The following SAXO1 variants were observed in gnomAD, a reference collection of about 807,000 sequenced individuals.
The protein encoded by SAXO1 is stabilizer of axonemal microtubules 1, also known as 4930500O09Rik.
SAXO1 carries 21 observed loss-of-function variants against 17.5 expected under a neutral mutation model. That is an observed-to-expected ratio of 1.20 (90% CI 0.85 to 1.72). The LOEUF (loss-of-function observed/expected upper bound fraction) is 1.72, where lower values mean the gene tolerates loss of function less well. Among genes scored for constraint, SAXO1 ranks in the 40% most tolerant of loss-of-function variants. The pLI, the probability that SAXO1 is intolerant of heterozygous loss-of-function variation, is 0.00. For synonymous variants in SAXO1, 274 were observed against 216.5 expected (o/e 1.27, Z -2.33); for missense variants, 843 against 596.0 (o/e 1.41, Z -4.32).
At chr9:18,973,993 C>A (rs983037538) in intron 1 of SAXO1, among the ~76,000 whole-genome samples, 4 of 152,166 alleles carry the variant, frequency 2.6e-5, no homozygotes, top group African/African-American at 9.7e-5. Context: ...TATCATGTCC[C>A]ATCTTCCCTT....
chr9:18,935,256 T>C lies in SAXO1; in HGVS notation c.422-6201A>G, dbSNP rs1012283088. 4.6e-5 allele frequency among the ~76,000 whole-genome samples: 7 copies of C among 152,318 alleles called. No homozygotes were observed. The South Asian group carries it at 1.5e-3, about 32-fold the overall frequency. On this transcript the variant is annotated intron_variant, in intron 3 of 3. Transcript: ENST00000380534. The stretch of plus-strand genomic sequence containing the variant: ...TCAGCATAGTTTAGTGGTCAGCCAA[T>C]GATTGGTCAGAAGTTAAACTTAAGA...
At chr9:18,950,685 T>C in intron 2 of SAXO1, 73 bp downstream of exon 2, 1 of 1,331,224 alleles carries the variant, frequency 7.5e-7, no homozygotes, top group Non-Finnish European at 1.0e-6. Flanking sequence ...TACATTAATA[T>C]TATACATTAG....
chr9:18,992,784 T>A (rs1833862096), intron 1 of SAXO1, among the ~76,000 whole-genome samples: 1 of 152,070 alleles, frequency 6.6e-6, no homozygotes, highest in Admixed American at 6.6e-5. Flanking sequence ...ATTTTTTTTT[T>A]TTAGACAAAG....
intron 2 of SAXO1, among the ~76,000 whole-genome samples, chr9:18,943,890 T>C (rs1831683935): frequency 6.6e-6 from 1 of 152,216 alleles, no homozygotes; most frequent in Non-Finnish European, 1.5e-5. Flanking sequence ...ACAGAGTCCA[T>C]AGCAGCCTCT....
At chr9:19,024,533 T>C (rs888530734) in intron 1 of SAXO1, among the ~76,000 whole-genome samples, 3 of 152,046 alleles carry the variant, frequency 2.0e-5, no homozygotes, top group Non-Finnish European at 4.4e-5. Context: ...ACATGGCACA[T>C]GTATAGATAT....
chr9:19,044,838 G>A (rs981234677), intron 1 of SAXO1, among the ~76,000 whole-genome samples: 1 of 151,866 alleles, frequency 6.6e-6, no homozygotes, highest in Non-Finnish European at 1.5e-5. Context: ...ACTCCAGCCC[G>A]GGTGAGAGTG....
chr9:19,026,310 T>A (rs1835469499), intron 1 of SAXO1, among the ~76,000 whole-genome samples: 2 of 152,204 alleles, frequency 1.3e-5, no homozygotes, highest in South Asian at 4.1e-4. Flanking sequence ...CCTAGCAGTG[T>A]CTGATACCCA....
At position 19,047,241 on chromosome 9, in the gene SAXO1, G is replaced by A. The variant is rs370825905; in HGVS notation, c.-158+1968C>T. On this transcript the variant is annotated intron_variant, in intron 1 of 3. Transcript: ENST00000542071. ...TAGCCAGGCATGGTGGTGGAGGCCT[G>A]TAGTCCCAGCTACTTGGGAGGCTGA... is the stretch of plus-strand genomic sequence containing the variant. Among the ~76,000 whole-genome samples, 3 of 151,872 alleles carry A rather than the reference G, an allele frequency of 2.0e-5. No individual in the cohort carries two copies. In the South Asian group the frequency reaches 6.2e-4, roughly 32 times the overall value.
chr9:19,021,051 C>T (rs1189364600), intron 1 of SAXO1, among the ~76,000 whole-genome samples: 1 of 152,192 alleles, frequency 6.6e-6, no homozygotes, highest in African/African-American at 2.4e-5. Flanking sequence ...ATCTTTATTA[C>T]CTAAAACTGC....
intron 1 of SAXO1, among the ~76,000 whole-genome samples, chr9:19,010,616 T>C (rs549243005): frequency 3.3e-5 from 5 of 152,196 alleles, no homozygotes; most frequent in African/African-American, 1.2e-4. Flanking sequence ...TTCTGTACTC[T>C]TTACTTGTTT....
chr9:18,948,077 C>T (rs543230525), intron 2 of SAXO1, among the ~76,000 whole-genome samples: 10 of 152,282 alleles, frequency 6.6e-5, no homozygotes, highest in East Asian at 5.8e-4. Flanking sequence ...AGAGGGGTGA[C>T]GACAATCTGC....
intron 1 of SAXO1, among the ~76,000 whole-genome samples, chr9:18,977,355 A>G (rs79490633): frequency 6.8e-6 from 1 of 146,628 alleles, no homozygotes; most frequent in East Asian, 2.1e-4. Flanking sequence ...CATTTACCAC[A>G]TGCTGGGCAT....
intron 1 of SAXO1, among the ~76,000 whole-genome samples, chr9:19,014,866 G>A (rs184568801): frequency 1.8e-4 from 28 of 152,148 alleles, no homozygotes; most frequent in Non-Finnish European, 3.8e-4. Context: ...TTCCTGCCGG[G>A]GTTAGGAAGT....
At position 18,935,969 on chromosome 9, in the gene SAXO1, C is replaced by T. The variant is rs550737582; in HGVS notation, c.421+5668G>A. On this transcript the variant is annotated intron_variant, in intron 3 of 3. Transcript: ENST00000380534. ...GAAGCAGCCCCAGAATAAAACATCA[C>T]AGACTCCTAGTGTTAATAACCAAGG... Among the ~76,000 whole-genome samples, 6 of 152,172 alleles carry T rather than the reference C, an allele frequency of 3.9e-5. No individual in the cohort carries two copies. The South Asian group carries it at 6.2e-4, about 16-fold the overall frequency.
chr9:18,975,207 AGGCTGGGG>A (rs1833093516), intron 1 of SAXO1, among the ~76,000 whole-genome samples: 1 of 6,862 alleles, frequency 1.5e-4, no homozygotes, highest in African/African-American at 5.2e-4. Flanking sequence ...AGGAGGCTGC[AGGCTGGGG>A]AAGCAGGGAG....
chr9:18,930,169 T>C (rs780513528), intron 3 of SAXO1, among the ~76,000 whole-genome samples: 3 of 152,042 alleles, frequency 2.0e-5, no homozygotes, highest in Non-Finnish European at 2.9e-5. Context: ...AAGAAAAAAA[T>C]AATCAGAGGG....
rs959459192 is a variant in SAXO1 at position 19,001,634 on chromosome 9, C to G, written c.38+31237G>C. 2.3e-4 allele frequency among the ~76,000 whole-genome samples: 34 copies of G among 149,306 alleles called. 1 individual carries two copies. Among genetic ancestry groups the G allele is most frequent in the African/African-American group, 6.7e-4 (27 of 40,584 alleles). ...CTGAGCCGAGATCGCGCATTGCACT[C>G]TAGCCTGGGCAACAGAGCAAGACTC... On this transcript the variant is annotated intron_variant, in intron 1 of 3. Coordinates refer to ENST00000380534, the MANE Select transcript of SAXO1 (RefSeq NM_153707.4).
chr9:18,985,014 A>G (rs554416332), intron 1 of SAXO1, among the ~76,000 whole-genome samples: 2 of 152,100 alleles, frequency 1.3e-5, no homozygotes, highest in Non-Finnish European at 2.9e-5. Context: ...AATTATTTGT[A>G]CTAATTTCAA....
intron 2 of SAXO1, among the ~76,000 whole-genome samples, chr9:18,943,862 C>T (rs900668831): frequency 7.2e-5 from 11 of 152,240 alleles, no homozygotes; most frequent in African/African-American, 2.7e-4. Flanking sequence ...GAGGCTGCCA[C>T]TCTCAGGGAC....
Sources: gnomAD v4.1 joint callset for allele counts (sites outside exome capture counted in the v4.1 genomes callset) on GRCh38, gnomAD v4.1.1 for gene constraint, MANE v1.5 for transcripts, NCBI Gene and HGNC (gene_info 2026-07-23, HGNC 2026-07-21) for gene names.